Variants in MACROD2 observed in about 807,000 individuals in gnomAD.
The protein encoded by MACROD2 is mono-ADP ribosylhydrolase 2.
Under a neutral mutation model 70.4 loss-of-function variants are expected in MACROD2, and 36 were observed. The observed-to-expected ratio is 0.51, with a 90% CI of 0.39 to 0.68. The LOEUF is 0.68. Ranked by LOEUF, MACROD2 falls within the 30% of genes least tolerant of loss-of-function variation. The pLI is 0.00. For synonymous variants in MACROD2, 172 were observed against 178.8 expected (o/e 0.96, Z 0.30); for missense variants, 496 against 538.4 (o/e 0.92, Z 0.78).
At chr20:15,809,312 C>T (rs1349750767) in intron 8 of MACROD2, among the ~76,000 whole-genome samples, 8 of 152,314 alleles carry the variant, frequency 5.3e-5, no homozygotes, top group African/African-American at 1.9e-4. Flanking sequence ...GCCTCCAGGT[C>T]TTTGCCTCTG....
intron 5 of MACROD2, among the ~76,000 whole-genome samples, chr20:14,862,231 A>T (rs1481414779): frequency 2.6e-5 from 1 of 38,438 alleles, no homozygotes; most frequent in East Asian, 8.8e-4. Flanking sequence ...AAATATATAT[A>T]AATATATATT....
At chr20:15,344,492 C>T (rs954274905) in intron 6 of MACROD2, among the ~76,000 whole-genome samples, 3 of 152,146 alleles carry the variant, frequency 2.0e-5, no homozygotes, top group Non-Finnish European at 4.4e-5. Context: ...GGGGTTTGAC[C>T]GCTCAAATGT....
At chr20:14,743,371 C>T (rs1046053674) in intron 5 of MACROD2, among the ~76,000 whole-genome samples, 4 of 151,970 alleles carry the variant, frequency 2.6e-5, no homozygotes, top group African/African-American at 9.7e-5. Context: ...TGCGCCCAGT[C>T]TAATCATATG....
At chr20:15,202,002 A>G (rs1412309138) in intron 5 of MACROD2, among the ~76,000 whole-genome samples, 2 of 152,168 alleles carry the variant, frequency 1.3e-5, no homozygotes, top group African/African-American at 2.4e-5. Context: ...TATTGGATCT[A>G]GGGCAGTATT....
chr20:15,798,267 C>A (rs1219290546), intron 8 of MACROD2, among the ~76,000 whole-genome samples: 1 of 152,178 alleles, frequency 6.6e-6, no homozygotes, highest in African/African-American at 2.4e-5. Context: ...GTGGGAAGAT[C>A]CAAATGCCTG....
At chr20:14,780,865 T>C (rs2072292065) in intron 5 of MACROD2, among the ~76,000 whole-genome samples, 1 of 152,150 alleles carries the variant, frequency 6.6e-6, no homozygotes, top group Non-Finnish European at 1.5e-5. Flanking sequence ...CTGAACTTTA[T>C]TGATTCAAAT....
rs981676889 is a variant in MACROD2, at chr20:14,936,537, C to G, written c.418+251578C>G. Among the ~76,000 whole-genome samples, 7 of 151,890 alleles carry G rather than the reference C, an allele frequency of 4.6e-5. No individual in the cohort carries two copies. In the East Asian group the frequency reaches 1.4e-3, roughly 29 times the overall value. ...AAATACATGAAAACTGCTGATAAAC[C>G]AAAGCTTTACTAGTAAATCTTTGTA... is the stretch of plus-strand genomic sequence containing the variant. On this transcript the variant is annotated intron_variant, in intron 5 of 17. Transcript: ENST00000684519.
At chr20:15,999,908 T>C (rs993014552) in intron 15 of MACROD2, among the ~76,000 whole-genome samples, 1 of 152,200 alleles carries the variant, frequency 6.6e-6, no homozygotes, top group Non-Finnish European at 1.5e-5. Context: ...ATAGCCTTTC[T>C]GGCCATGCCA....
intron 3 of MACROD2, among the ~76,000 whole-genome samples, chr20:14,246,923 A>G (rs983759923): frequency 6.6e-6 from 1 of 152,186 alleles, no homozygotes; most frequent in Non-Finnish European, 1.5e-5. Flanking sequence ...CATGGCAACC[A>G]GGGTGAAATT....
At chr20:16,002,406 G>C (rs775116) in intron 15 of MACROD2, among the ~76,000 whole-genome samples, 2 of 151,982 alleles carry the variant, frequency 1.3e-5, no homozygotes, top group Admixed American at 1.3e-4. Context: ...GGCTTGAAAA[G>C]AGAAGAATGT....
Position 14,924,637 on chromosome 20 carries a change from C to T in MACROD2, c.418+239678C>T, listed in dbSNP as rs184908162. 4.5e-4 allele frequency among the ~76,000 whole-genome samples: 68 copies of T among 152,118 alleles called. 1 individual carries two copies. Among genetic ancestry groups the T allele is most frequent in the Admixed American group, 1.3e-3 (20 of 15,272 alleles). On this transcript the variant is annotated intron_variant, in intron 5 of 17. Transcript: ENST00000684519. Reference sequence around the variant, plus strand: ...TAAACAATCACCCTTATATATGTAGCTCTTTAGTCTGCACCAAGACACTGT... The same window carrying T: ...TAAACAATCACCCTTATATATGTAGTTCTTTAGTCTGCACCAAGACACTGT...
intron 5 of MACROD2, among the ~76,000 whole-genome samples, chr20:14,956,742 A>C (rs2074540288): frequency 6.6e-6 from 1 of 152,184 alleles, no homozygotes; most frequent in Non-Finnish European, 1.5e-5. Context: ...ATAAAATTTT[A>C]GTGTTAGACA....
chr20:14,861,709 C>T (rs1029078180), intron 5 of MACROD2, among the ~76,000 whole-genome samples: 4 of 151,444 alleles, frequency 2.6e-5, no homozygotes, highest in African/African-American at 9.7e-5. Context: ...GGCAGACTGG[C>T]ACTTTCTCAT....
intron 6 of MACROD2, among the ~76,000 whole-genome samples, chr20:15,264,119 C>T (rs17370127): frequency 6.6e-6 from 1 of 152,024 alleles, no homozygotes; most frequent in African/African-American, 2.4e-5. Flanking sequence ...AAGTATAGGC[C>T]AAAATCTGGC....
chr20:14,847,237 A>G (rs1413833055), intron 5 of MACROD2, among the ~76,000 whole-genome samples: 1 of 152,198 alleles, frequency 6.6e-6, no homozygotes, highest in African/African-American at 2.4e-5. Context: ...TAATGAGTTT[A>G]GGAACGTGCT....
intron 3 of MACROD2, among the ~76,000 whole-genome samples, chr20:14,335,694 G>T (rs972089309): frequency 2.6e-5 from 4 of 152,040 alleles, no homozygotes; most frequent in Non-Finnish European, 5.9e-5. Context: ...TTACAGAACC[G>T]CAATATTAAT....
chr20:15,938,560 T>C (rs192247391), intron 12 of MACROD2, among the ~76,000 whole-genome samples: 1 of 152,290 alleles, frequency 6.6e-6, no homozygotes, highest in Admixed American at 6.5e-5. Context: ...AATGTGGTTC[T>C]GACTACTCCA....
intron 3 of MACROD2, among the ~76,000 whole-genome samples, chr20:14,126,801 C>T (rs2054656577): frequency 6.6e-6 from 1 of 152,096 alleles, no homozygotes; most frequent in African/African-American, 2.4e-5. Context: ...CCACCAACCG[C>T]ACCCATAGAA....
At chr20:15,448,865 A>AT (rs2046603975) in intron 7 of MACROD2, among the ~76,000 whole-genome samples, 1 of 152,092 alleles carries the variant, frequency 6.6e-6, no homozygotes, top group African/African-American at 2.4e-5. Flanking sequence ...AAGATCCAGG[A>AT]TTTTGATGTT....
Sources: gnomAD v4.1 joint callset for allele counts (sites outside exome capture counted in the v4.1 genomes callset) on GRCh38, gnomAD v4.1.1 for gene constraint, MANE v1.5 for transcripts, NCBI Gene and HGNC (gene_info 2026-07-23, HGNC 2026-07-21) for gene names.